MCTP1: variants seen among roughly 807,000 people sequenced by gnomAD.
The protein encoded by MCTP1 is multiple C2 and transmembrane domain containing 1.
MCTP1 carries 69 observed loss-of-function variants against 120.6 expected under a neutral mutation model. That is an observed-to-expected ratio of 0.57 (90% CI 0.47 to 0.70). MCTP1 has a LOEUF of 0.70. MCTP1 is among the 30% of genes least tolerant of loss of function. The pLI, the probability that MCTP1 is intolerant of heterozygous loss-of-function variation, is 0.00. For missense variants in MCTP1, 1,203 were observed against 1,248.8 expected, an observed-to-expected ratio of 0.96 and a Z score of 0.55; for synonymous variants, 529 against 493.1, an observed-to-expected ratio of 1.07 and a Z score of -0.96.
At chr5:94,774,402 C>T (rs905799332) in intron 19 of MCTP1, among the ~76,000 whole-genome samples, 1 of 151,950 alleles carries the variant, frequency 6.6e-6, no homozygotes, top group Non-Finnish European at 1.5e-5. Flanking sequence ...GAGACTCAAC[C>T]CAACAGAGAT....
Position 94,755,285 on chromosome 5 carries a change from G to C in MCTP1, c.2610+23825C>G, listed in dbSNP as rs1435635877. On this transcript the variant is annotated intron_variant, in intron 19 of 22. Transcript: ENST00000515393. Reference sequence around the variant, plus strand: ...CCACTGCCATCACTTCTGAGACCCTGATCCTCCCCTCTTCTAGCTCTGGAT... The same window carrying C: ...CCACTGCCATCACTTCTGAGACCCTCATCCTCCCCTCTTCTAGCTCTGGAT... 2.0e-5 allele frequency among the ~76,000 whole-genome samples: 3 copies of C among 152,130 alleles called. No homozygotes were observed. The East Asian group carries it at 5.8e-4, about 29-fold the overall frequency.
At chr5:95,061,428 T>TTTTTTTTTTTTG (rs1749145869) in intron 1 of MCTP1, among the ~76,000 whole-genome samples, 1 of 53,970 alleles carries the variant, frequency 1.9e-5, no homozygotes, top group Non-Finnish European at 3.9e-5. Flanking sequence ...TTTTTTTTTT[T>TTTTTTTTTTTTG]TTTTTTTTTT....
At chr5:94,846,805 CTCTGTGTGTG>C (rs909716660) in intron 17 of MCTP1, among the ~76,000 whole-genome samples, 1 of 140,250 alleles carries the variant, frequency 7.1e-6, no homozygotes, top group Admixed American at 7.3e-5. Flanking sequence ...ACATGTGTGT[CTCTGTGTGTG>C]TCTGTGTGTG....
At chr5:95,095,005 G>GTTTTTTTTTTTTTTTTTTTTTT (rs1562138448) in intron 1 of MCTP1, among the ~76,000 whole-genome samples, 1 of 79,540 alleles carries the variant, frequency 1.3e-5, no homozygotes. Flanking sequence ...TGTTATGTTA[G>GTTTTTTTTTTTTTTTTTTTTTT]ATTTTTTTTT....
chr5:94,878,662 C>T (rs1337044330), intron 12 of MCTP1, among the ~76,000 whole-genome samples: 1 of 151,826 alleles, frequency 6.6e-6, no homozygotes, highest in African/African-American at 2.4e-5. Context: ...CATACATTGA[C>T]TTATTCAACA....
At chr5:94,934,808 T>C (rs1815777149) in intron 5 of MCTP1, among the ~76,000 whole-genome samples, 3 of 151,690 alleles carry the variant, frequency 2.0e-5, no homozygotes, top group Admixed American at 6.6e-5. Flanking sequence ...ATTTTCTATT[T>C]TTTAGCCTTA....
chr5:95,119,923 AGCACTTTGGGAG>A, intron 1 of MCTP1, among the ~76,000 whole-genome samples: 1 of 152,218 alleles, frequency 6.6e-6, no homozygotes, highest in Admixed American at 6.5e-5. Context: ...CTGTAATCCC[AGCACTTTGGGAG>A]GCCGAGGTGG....
intron 19 of MCTP1, among the ~76,000 whole-genome samples, chr5:94,772,806 C>T (rs1774378100): frequency 2.0e-5 from 3 of 152,142 alleles, no homozygotes; most frequent in Admixed American, 2.0e-4. Flanking sequence ...TTTGACAATA[C>T]CCCTTCCCCC....
At chr5:94,718,468 T>C (rs1760054192) in intron 19 of MCTP1, among the ~76,000 whole-genome samples, 1 of 152,046 alleles carries the variant, frequency 6.6e-6, no homozygotes, top group Non-Finnish European at 1.5e-5. Context: ...CAAAAACTTC[T>C]AAAGCGAACA....
chr5:95,101,348 G>C (rs1756719628), intron 1 of MCTP1, among the ~76,000 whole-genome samples: 1 of 152,098 alleles, frequency 6.6e-6, no homozygotes. Context: ...ATTTCCTGTT[G>C]AGATACAGAA....
At position 94,887,007 on chromosome 5, in the gene MCTP1, C is replaced by T. The variant is rs114943609; in HGVS notation, c.1933+1872G>A. Among the ~76,000 whole-genome samples, 521 of 152,238 alleles carry T rather than the reference C, an allele frequency of 3.4e-3. 3 individuals are homozygous for T. Among genetic ancestry groups the T allele is most frequent in the Non-Finnish European group, 5.2e-3 (355 of 67,982 alleles). On this transcript the variant is annotated intron_variant, in intron 12 of 22. Coordinates refer to ENST00000515393, the MANE Select transcript of MCTP1 (RefSeq NM_024717.7). ...GCCACCATCACAAATGTCATAAAGA[C>T]CACAGAAGGTCCAAGAGTGAGCAAG... is the stretch of plus-strand genomic sequence containing the variant.
chr5:94,917,389 C>G (rs371817952), intron 8 of MCTP1, among the ~76,000 whole-genome samples: 1 of 152,136 alleles, frequency 6.6e-6, no homozygotes, highest in South Asian at 2.1e-4. Flanking sequence ...AAGCAAAGAA[C>G]AAAACCAAAG....
At chr5:94,805,942 T>G (rs903560172) in intron 17 of MCTP1, among the ~76,000 whole-genome samples, 5 of 151,046 alleles carry the variant, frequency 3.3e-5, no homozygotes, top group Admixed American at 3.3e-4. Flanking sequence ...GATTATCCAA[T>G]TGTAGATTTT....
At chr5:95,055,039 T>C (rs1747015101) in intron 1 of MCTP1, among the ~76,000 whole-genome samples, 1 of 152,196 alleles carries the variant, frequency 6.6e-6, no homozygotes, top group African/African-American at 2.4e-5. Context: ...CTCAAACTCC[T>C]GGTCTCAAGT....
chr5:95,119,616 G>A (rs925250815), intron 1 of MCTP1, among the ~76,000 whole-genome samples: 1 of 151,790 alleles, frequency 6.6e-6, no homozygotes, highest in Non-Finnish European at 1.5e-5. Context: ...AAAGAAAATG[G>A]ACAAACTTTT....
intron 1 of MCTP1, among the ~76,000 whole-genome samples, chr5:95,078,031 T>TCCATCCATGTATCTGTCTATCCATCC (rs1293450492): frequency 0.063 from 8,821 of 139,332 alleles, 320 homozygotes; most frequent in Non-Finnish European, 0.082. Context: ...ATCATCCATC[T>TCCATCCATGTATCTGTCTATCCATCC]ATCCATCCAT....
chr5:95,095,005 GAT>G (rs1491370232), intron 1 of MCTP1, among the ~76,000 whole-genome samples: 6 of 79,546 alleles, frequency 7.5e-5, no homozygotes, highest in African/African-American at 2.0e-4. Context: ...TGTTATGTTA[GAT>G]TTTTTTTTTT....
At chr5:94,928,758 T>A (rs1165740666) in intron 6 of MCTP1, among the ~76,000 whole-genome samples, 4 of 152,160 alleles carry the variant, frequency 2.6e-5, no homozygotes, top group Admixed American at 2.6e-4. Context: ...ATTTTATACA[T>A]TCTTCTTTTT....
At chr5:94,954,047 CAT>C (rs1175647686) in intron 2 of MCTP1, among the ~76,000 whole-genome samples, 2 of 72,390 alleles carry the variant, frequency 2.8e-5, no homozygotes, top group Admixed American at 1.6e-4. Flanking sequence ...TATATATATG[CAT>C]ATATATACAA....
Sources: gnomAD v4.1 joint callset for allele counts (sites outside exome capture counted in the v4.1 genomes callset) on GRCh38, gnomAD v4.1.1 for gene constraint, MANE v1.5 for transcripts, NCBI Gene and HGNC (gene_info 2026-07-23, HGNC 2026-07-21) for gene names.